CENPW: variants seen among roughly 807,000 people sequenced by gnomAD.
CENPW encodes the protein cancer-up-regulated gene 2 protein.
CENPW carries 3 observed loss-of-function variants against 11.1 expected under a neutral mutation model. That is an observed-to-expected ratio of 0.27 (90% CI 0.12 to 0.70). The LOEUF (loss-of-function observed/expected upper bound fraction) is 0.70. CENPW is among the 30% of genes least tolerant of loss of function. CENPW has a pLI of 0.77. For missense variants in CENPW, 100 were observed against 105.6 expected (o/e 0.95, Z 0.23); for synonymous variants, 38 against 42.0 (o/e 0.91, Z 0.37).
the CENPW span, among the ~76,000 whole-genome samples, chr6:126,397,853 G>GTTAGCTCCC: frequency 6.6e-6 from 1 of 152,062 alleles, no homozygotes; most frequent in Non-Finnish European, 1.5e-5. Flanking sequence ...GCTTTCTGTT[G>GTTAGCTCCC]ACTCAGAGCC....
chr6:126,406,812 A>G, the CENPW span, among the ~76,000 whole-genome samples: 3 of 151,964 alleles, frequency 2.0e-5, no homozygotes, highest in Admixed American at 1.3e-4. Context: ...AGATTGCACC[A>G]CTGCACTCCA....
intron 1 of CENPW, among the ~76,000 whole-genome samples, chr6:126,343,938 G>A (rs1360640216): frequency 1.3e-5 from 2 of 152,124 alleles, no homozygotes; most frequent in Non-Finnish European, 2.9e-5. Flanking sequence ...CACAGTATCC[G>A]TGGCTCATGG....
chr6:126,467,955 ATATAAT>A, the CENPW span, among the ~76,000 whole-genome samples: 1 of 152,174 alleles, frequency 6.6e-6, no homozygotes, highest in Non-Finnish European at 1.5e-5. Flanking sequence ...TGTAACTGCA[ATATAAT>A]TATAAGAAAA....
the CENPW span, among the ~76,000 whole-genome samples, chr6:126,436,571 G>A: frequency 2.0e-5 from 3 of 151,776 alleles, no homozygotes; most frequent in African/African-American, 7.3e-5. Flanking sequence ...TGTTAAGGAT[G>A]CAGTTTAGGG....
the CENPW span, among the ~76,000 whole-genome samples, chr6:126,407,367 C>T: frequency 6.6e-6 from 1 of 152,078 alleles, no homozygotes; most frequent in Non-Finnish European, 1.5e-5. Context: ...CATGTCTTTG[C>T]TATTATGAAT....
chr6:126,481,430 C>G, the CENPW span, among the ~76,000 whole-genome samples: 1 of 152,018 alleles, frequency 6.6e-6, no homozygotes, highest in African/African-American at 2.4e-5. Context: ...TGGAGATTGT[C>G]CAAGATCAAG....
the CENPW span, among the ~76,000 whole-genome samples, chr6:126,366,949 G>T: frequency 2.0e-5 from 3 of 152,106 alleles, no homozygotes; most frequent in Non-Finnish European, 4.4e-5. Context: ...TTTGATAATT[G>T]CCATTAATTG....
the CENPW span, among the ~76,000 whole-genome samples, chr6:126,391,570 C>T: frequency 6.6e-6 from 1 of 151,764 alleles, no homozygotes; most frequent in Non-Finnish European, 1.5e-5. Flanking sequence ...GAGAGTTTTC[C>T]CATGTTTTCT....
the CENPW span, among the ~76,000 whole-genome samples, chr6:126,356,378 A>T: frequency 6.6e-6 from 1 of 152,212 alleles, no homozygotes; most frequent in African/African-American, 2.4e-5. Flanking sequence ...TTTGGGAAAG[A>T]TGAAGACGGT....
At chr6:126,445,320 G>A in the CENPW span, among the ~76,000 whole-genome samples, 4 of 151,122 alleles carry the variant, frequency 2.6e-5, no homozygotes, top group African/African-American at 7.3e-5. Context: ...AGCTACAGAT[G>A]TTGGCCATAA....
the CENPW span, among the ~76,000 whole-genome samples, chr6:126,411,762 T>C: frequency 3.9e-5 from 6 of 152,114 alleles, no homozygotes; most frequent in African/African-American, 9.7e-5. Flanking sequence ...CCTGAGCCAA[T>C]AGTAATCAGT....
chr6:126,416,442 T>C, the CENPW span, among the ~76,000 whole-genome samples: 12 of 152,158 alleles, frequency 7.9e-5, no homozygotes, highest in Non-Finnish European at 1.3e-4. Context: ...ATTTGCGTAA[T>C]TAACGAGCCA....
the CENPW span, among the ~76,000 whole-genome samples, chr6:126,448,465 C>T: frequency 6.6e-6 from 1 of 151,170 alleles, no homozygotes; most frequent in African/African-American, 2.4e-5. Context: ...TGTGCACTAA[C>T]ACATGTTCTA....
At chr6:126,456,080 AT>A in the CENPW span, among the ~76,000 whole-genome samples, 1 of 151,286 alleles carries the variant, frequency 6.6e-6, no homozygotes, top group Non-Finnish European at 1.5e-5. Context: ...AGAAATGAAA[AT>A]CATTTTATAC....
At chr6:126,363,859 A>G in the CENPW span, among the ~76,000 whole-genome samples, 3 of 152,204 alleles carry the variant, frequency 2.0e-5, no homozygotes, top group African/African-American at 7.2e-5. Flanking sequence ...GCTGCTTTCG[A>G]GGGAGTTTCT....
the CENPW span, among the ~76,000 whole-genome samples, chr6:126,451,265 G>T: frequency 6.6e-6 from 1 of 150,926 alleles, no homozygotes; most frequent in East Asian, 2.0e-4. Flanking sequence ...AACTTTGACA[G>T]AATGCATGGA....
the CENPW span, among the ~76,000 whole-genome samples, chr6:126,405,995 A>G: frequency 3.9e-5 from 6 of 152,122 alleles, no homozygotes; most frequent in Non-Finnish European, 7.4e-5. Flanking sequence ...ATTATGTTGA[A>G]TAAGAGTGGT....
At position 126,340,157 on chromosome 6, in the gene CENPW, C is replaced by G; in HGVS notation, c.-117C>G. The G allele has an allele frequency of 1.0e-6, 1 of 958,514 alleles. No homozygotes were observed. Among genetic ancestry groups the G allele is most frequent in the Non-Finnish European group, 1.6e-6 (1 of 624,198 alleles). 59.4% of individuals were successfully genotyped at this position (958,514 alleles called of 1,614,324 possible). ...TTCGAACGTTCGGACTGAGGTTTTTCTGCCTGAAGAAGCGTCATACGGACC... is the reference window on the plus strand; with the variant it reads ...TTCGAACGTTCGGACTGAGGTTTTTGTGCCTGAAGAAGCGTCATACGGACC... On this transcript the variant is annotated 5_prime_UTR_variant, in exon 1 of 3. Transcript: ENST00000368328.
downstream of CENPW, among the ~76,000 whole-genome samples, chr6:126,352,844 T>C (rs1284759535): frequency 6.6e-6 from 1 of 152,114 alleles, no homozygotes; most frequent in African/African-American, 2.4e-5. Context: ...CACCTTTTTC[T>C]TTCTGCTTTT....
Sources: allele counts gnomAD v4.1 joint callset (sites outside exome capture counted in the v4.1 genomes callset), GRCh38; gene constraint gnomAD v4.1.1; transcripts MANE v1.5; gene names NCBI Gene and HGNC (gene_info 2026-07-23, HGNC 2026-07-21).